Variants in PCDHGA9 observed in about 807,000 individuals in gnomAD.
The protein encoded by PCDHGA9 is protocadherin gamma-A9.
Under a neutral mutation model 62.5 loss-of-function variants are expected in PCDHGA9, and 37 were observed. The ratio of observed to expected loss-of-function variants is 0.59; its 90% confidence interval spans 0.46 to 0.78. The LOEUF (loss-of-function observed/expected upper bound fraction) is 0.78. Among genes scored for constraint, PCDHGA9 ranks in the 30% least tolerant of loss-of-function variants. PCDHGA9 has a pLI of 0.00. For missense variants in PCDHGA9, 1,138 were observed against 1,166.2 expected, an observed-to-expected ratio of 0.98 and a Z score of 0.35; for synonymous variants, 459 against 484.6, an observed-to-expected ratio of 0.95 and a Z score of 0.69.
chr5:141,404,839 T>C lies in PCDHGA9; in HGVS notation c.1887T>C (p.Ala629=). 1 of 1,613,458 alleles carries C rather than the reference T, an allele frequency of 6.2e-7. No homozygotes were observed. Among genetic ancestry groups the C allele is most frequent in the Non-Finnish European group, 8.5e-7 (1 of 1,179,844 alleles). Residue 629 remains alanine (A), a synonymous_variant, in exon 1 of 4, where the codon GCT becomes GCC. Transcript: ENST00000573521. ...VGLHTGEVRT[A]RALLDRDALK... is the part of the protein sequence containing the mutation. ...TGCACACAGGTGAAGTGCGCACAGCTCGGGCCCTGCTAGATAGAGATGCGC... is the reference window on the plus strand; with the variant it reads ...TGCACACAGGTGAAGTGCGCACAGCCCGGGCCCTGCTAGATAGAGATGCGC...
At chr5:141,419,279 G>C in intron 1 of PCDHGA9, 1 of 1,614,042 alleles carries the variant, frequency 6.2e-7, no homozygotes, top group South Asian at 1.1e-5. Flanking sequence ...CATAGCGCAA[G>C]TCAGTGCCTC....
chr5:141,423,758 G>C lies in PCDHGA9; in HGVS notation c.2424+18382G>C, dbSNP rs1192987646. 54 of 366,760 alleles carry C rather than the reference G, an allele frequency of 1.5e-4. 3 individuals carry two copies. The highest frequency in any genetic ancestry group is 1.4e-4 in the Non-Finnish European group (36 of 259,732). 22.7% of individuals were successfully genotyped at this position (366,760 alleles called of 1,614,324 possible). A position where few individuals can be genotyped will look rare whatever the true frequency, so the allele number is the denominator to read the frequency against. Reference sequence around the variant, plus strand: ...CTGTTATGAAAACTGTTTGGGGGGGGGGTGGGGCGGCATATATTTAGTTCA... The same window carrying C: ...CTGTTATGAAAACTGTTTGGGGGGGCGGTGGGGCGGCATATATTTAGTTCA... On this transcript the variant is annotated intron_variant, in intron 1 of 3. Transcript: ENST00000573521.
At chr5:141,457,820 C>CTCAG (rs2098930320) in intron 1 of PCDHGA9, among the ~76,000 whole-genome samples, 1 of 152,198 alleles carries the variant, frequency 6.6e-6, no homozygotes, top group African/African-American at 2.4e-5. Flanking sequence ...CCAAGATAAA[C>CTCAG]TCAGAGCTTC....
intron 1 of PCDHGA9, chr5:141,421,647 G>C: frequency 6.2e-7 from 1 of 1,613,872 alleles, no homozygotes; most frequent in South Asian, 1.1e-5. Context: ...ACGAAGTGGA[G>C]ATAAAAGTCA....
rs1248104988 is a variant in PCDHGA9, at chr5:141,409,585, G to A, written c.2424+4209G>A. 3.1e-6 allele frequency: 5 copies of A among 1,613,912 alleles called. No individual in the cohort carries two copies. The Admixed American group carries it at 5.0e-5, about 16-fold the overall frequency. ...ACCAGACGTCCTACGTGGTCCACGT[G>A]GCCGAGAACAACCCGCCAGGAGCCT... On this transcript the variant is annotated intron_variant, in intron 1 of 3. Coordinates refer to ENST00000573521, the MANE Select transcript of PCDHGA9 (RefSeq NM_018921.3).
At position 141,410,277 on chromosome 5, in the gene PCDHGA9, T is replaced by C. The variant is rs1461250700; in HGVS notation, c.2424+4901T>C. 2.5e-6 allele frequency: 4 copies of C among 1,614,014 alleles called. No homozygotes were observed. In the Admixed American group the frequency reaches 6.7e-5, roughly 27 times the overall value. ...CCCCAGGCTGAACTGCAGTTTTACC[T>C]GGTGGTGGCCTTGGCCTTAATCTCA... On this transcript the variant is annotated intron_variant, in intron 1 of 3. Transcript: ENST00000573521.
At chr5:141,507,896 G>A (rs1457319438) in intron 3 of PCDHGA9, among the ~76,000 whole-genome samples, 1 of 152,210 alleles carries the variant, frequency 6.6e-6, no homozygotes, top group African/African-American at 2.4e-5. Flanking sequence ...GGTTCCTGAA[G>A]TCCAGCCCAG....
chr5:141,479,806 G>A (rs1188862048), intron 1 of PCDHGA9, among the ~76,000 whole-genome samples: 1 of 152,182 alleles, frequency 6.6e-6, no homozygotes, highest in Non-Finnish European at 1.5e-5. Context: ...AGGGTGGTAT[G>A]CAAGGATACT....
Position 141,511,201 on chromosome 5 carries a change from G to A in PCDHGA9, c.*28G>A, listed in dbSNP as rs2099883661. On this transcript the variant is annotated 3_prime_UTR_variant, in exon 4 of 4. Transcript: ENST00000573521. ...TGGAGGCCAGGCCAAGAGCCACAGG[G>A]CGGCCTCTCCCCAACCAGCCCAGCT... 2 of 1,612,600 alleles carry A rather than the reference G, an allele frequency of 1.2e-6. No homozygotes were observed. The highest frequency in any genetic ancestry group is 1.7e-6 in the Non-Finnish European group (2 of 1,179,344).
chr5:141,417,900 G>C, intron 1 of PCDHGA9: 2 of 1,583,452 alleles, frequency 1.3e-6, no homozygotes, highest in Non-Finnish European at 1.7e-6. Context: ...GCCGGCCCGC[G>C]GCAGGTACTA....
intron 1 of PCDHGA9, chr5:141,415,512 T>G (rs997659180): frequency 3.1e-6 from 5 of 1,614,234 alleles, no homozygotes; most frequent in Non-Finnish European, 4.2e-6. Context: ...AGCCCAATTA[T>G]GCGGACACGC....
intron 2 of PCDHGA9, among the ~76,000 whole-genome samples, chr5:141,505,180 A>G (rs1435197883): frequency 6.6e-6 from 1 of 152,200 alleles, no homozygotes; most frequent in Non-Finnish European, 1.5e-5. Context: ...AGAAAAAAGC[A>G]TCGGAGGCAG....
rs1047869740 is a variant in PCDHGA9 at position 141,402,789 on chromosome 5, T to C, written c.-164T>C. On this transcript the variant is annotated 5_prime_UTR_variant, in exon 1 of 4. Coordinates refer to ENST00000573521, the MANE Select transcript of PCDHGA9 (RefSeq NM_018921.3). ...CCATCCGGATTTCCAGTTCTGCGGC[T>C]ACACAAAACCCGGCAGATACCACAA... The C allele has an allele frequency of 2.1e-6, 2 of 952,520 alleles. No homozygotes were observed. The highest frequency in any genetic ancestry group is 4.2e-5 in the South Asian group (2 of 48,056). The allele number at this position is 952,520 out of a possible 1,614,324, so 59.0% of individuals were successfully genotyped here. A position where few individuals can be genotyped will look rare whatever the true frequency, so the allele number is the denominator to read the frequency against.
At chr5:141,414,531 C>A in intron 1 of PCDHGA9, 1 of 1,613,960 alleles carries the variant, frequency 6.2e-7, no homozygotes, top group Non-Finnish European at 8.5e-7. Context: ...TCAATGACAA[C>A]CCACCTACCT....
At chr5:141,472,219 A>C (rs2099274667) in intron 1 of PCDHGA9, among the ~76,000 whole-genome samples, 1 of 152,210 alleles carries the variant, frequency 6.6e-6, no homozygotes, top group Non-Finnish European at 1.5e-5. Context: ...CTTACTCTCG[A>C]TCATATAATA....
chr5:141,482,588 C>T (rs559327092), intron 1 of PCDHGA9, among the ~76,000 whole-genome samples: 3 of 147,192 alleles, frequency 2.0e-5, no homozygotes, highest in Admixed American at 6.8e-5. Context: ...GCAGTGGGAC[C>T]AAACGGGAAA....
intron 1 of PCDHGA9, chr5:141,411,535 G>C (rs945278706): frequency 6.6e-6 from 1 of 152,274 alleles, no homozygotes; most frequent in Non-Finnish European, 1.5e-5. Context: ...AGTGAGCCCT[G>C]ATCTTGCCAC....
chr5:141,441,825 C>A, intron 1 of PCDHGA9: 1 of 357,252 alleles, frequency 2.8e-6, no homozygotes, highest in Non-Finnish European at 5.5e-6. Flanking sequence ...CTCTGGAGCG[C>A]AATGGCTTCG....
chr5:141,415,101 C>T, intron 1 of PCDHGA9: 1 of 1,613,550 alleles, frequency 6.2e-7, no homozygotes, highest in South Asian at 1.1e-5. Context: ...GAGACGCGCT[C>T]AAGCAAAGCC....
Sources: gnomAD v4.1 joint callset for allele counts (sites outside exome capture counted in the v4.1 genomes callset) on GRCh38, gnomAD v4.1.1 for gene constraint, MANE v1.5 for transcripts, NCBI Gene and HGNC (gene_info 2026-07-23, HGNC 2026-07-21) for gene names.